The following ALK variants were observed in gnomAD, a reference collection of about 807,000 sequenced individuals.
ALK encodes the protein ALK receptor tyrosine kinase.
ALK carries 74 observed loss-of-function variants against 163.1 expected under a neutral mutation model. The ratio of observed to expected loss-of-function variants is 0.45; its 90% CI spans 0.38 to 0.55. ALK has a LOEUF of 0.55. Among genes scored for constraint, ALK ranks in the 20% least tolerant of loss-of-function variants. The pLI, the probability that ALK is intolerant of heterozygous loss-of-function variation, is 0.00. For synonymous variants in ALK, 960 were observed against 843.2 expected (o/e 1.14, Z -2.40); for missense variants, 2,063 against 2,105.3 (o/e 0.98, Z 0.39).
chr2:29,514,052 A>G (rs13001047), intron 4 of ALK, among the ~76,000 whole-genome samples: 8,453 of 77,388 alleles, frequency 0.11, 1,668 homozygotes, highest in Non-Finnish European at 0.13. Flanking sequence ...ACTGTTGGTG[A>G]GACTGTAAAC....
At chr2:29,512,374 T>A (rs1052335518) in intron 4 of ALK, among the ~76,000 whole-genome samples, 6 of 148,308 alleles carry the variant, frequency 4.0e-5, no homozygotes, top group African/African-American at 1.5e-4. Context: ...ATCCAGCATA[T>A]AAACAGAGCC....
intron 4 of ALK, among the ~76,000 whole-genome samples, chr2:29,486,511 T>C (rs968221153): frequency 6.6e-6 from 1 of 152,214 alleles, no homozygotes; most frequent in African/African-American, 2.4e-5. Context: ...AACTTCAGTG[T>C]TGCACATAAA....
At chr2:29,394,679 T>G (rs1036510568) in intron 4 of ALK, among the ~76,000 whole-genome samples, 8 of 152,198 alleles carry the variant, frequency 5.3e-5, no homozygotes, top group African/African-American at 1.9e-4. Context: ...AGATTTTCTG[T>G]GATTAGAGTC....
At chr2:29,683,805 G>A (rs894210899) in intron 3 of ALK, among the ~76,000 whole-genome samples, 1 of 152,178 alleles carries the variant, frequency 6.6e-6, no homozygotes, top group Non-Finnish European at 1.5e-5. Context: ...AGCACCACTT[G>A]CTTCAGGCTG....
chr2:29,555,156 C>T (rs777775724), intron 3 of ALK, among the ~76,000 whole-genome samples: 7 of 152,130 alleles, frequency 4.6e-5, no homozygotes, highest in Non-Finnish European at 1.0e-4. Context: ...CTGAATTCTT[C>T]TTGTATGAGA....
intron 3 of ALK, among the ~76,000 whole-genome samples, chr2:29,591,657 A>T (rs1304118762): frequency 6.6e-6 from 1 of 152,210 alleles, no homozygotes; most frequent in Admixed American, 6.5e-5. Flanking sequence ...GAGAAGAGGG[A>T]GGCAAGGAGT....
chr2:29,710,143 GCT>G (rs1679033977), intron 2 of ALK, among the ~76,000 whole-genome samples: 1 of 152,258 alleles, frequency 6.6e-6, no homozygotes, highest in East Asian at 1.9e-4. Context: ...CCCTGCACAT[GCT>G]CTCTTTGCCT....
chr2:29,643,451 A>G (rs1676762066), intron 3 of ALK, among the ~76,000 whole-genome samples: 2 of 152,204 alleles, frequency 1.3e-5, no homozygotes, highest in African/African-American at 2.4e-5. Context: ...TTCTAAAGCA[A>G]TAGGAGCAAC....
At chr2:29,583,787 G>T (rs1573475975) in intron 3 of ALK, among the ~76,000 whole-genome samples, 2 of 152,130 alleles carry the variant, frequency 1.3e-5, no homozygotes, top group East Asian at 3.9e-4. Flanking sequence ...GTAAGTAGCC[G>T]GCATATGCCT....
chr2:29,864,821 A>G (rs978305510), intron 1 of ALK, among the ~76,000 whole-genome samples: 2 of 152,222 alleles, frequency 1.3e-5, no homozygotes, highest in African/African-American at 4.8e-5. Context: ...GCAAAGACAC[A>G]TCCCATGTTT....
intron 5 of ALK, among the ~76,000 whole-genome samples, chr2:29,382,923 T>C (rs1668938932): frequency 6.6e-6 from 1 of 152,204 alleles, no homozygotes; most frequent in South Asian, 2.1e-4. Context: ...CAAAAGAAGC[T>C]GGGTTGGTGA....
chr2:29,621,805 A>G (rs1486232637), intron 3 of ALK, among the ~76,000 whole-genome samples: 1 of 152,180 alleles, frequency 6.6e-6, no homozygotes, highest in Non-Finnish European at 1.5e-5. Flanking sequence ...CCTCTTAACC[A>G]ATCGCCAGCA....
intron 4 of ALK, among the ~76,000 whole-genome samples, chr2:29,416,936 T>TAA (rs58905654): frequency 7.0e-6 from 1 of 142,610 alleles, no homozygotes; most frequent in African/African-American, 2.6e-5. Context: ...ATTTGCTCAT[T>TAA]AAAAAAAAAA....
chr2:29,887,356 C>T (rs1572470646), intron 1 of ALK, among the ~76,000 whole-genome samples: 1 of 152,178 alleles, frequency 6.6e-6, no homozygotes, highest in East Asian at 1.9e-4. Context: ...TCATGGGTAT[C>T]TCAGAGCACT....
At chr2:29,221,720 C>T (rs938600709) in intron 22 of ALK, among the ~76,000 whole-genome samples, 15 of 152,212 alleles carry the variant, frequency 9.9e-5, no homozygotes, top group African/African-American at 3.1e-4. Flanking sequence ...TCCCAGTCTG[C>T]CCCCACCTGT....
intron 8 of ALK, among the ~76,000 whole-genome samples, chr2:29,310,413 TC>T (rs1239877891): frequency 2.0e-5 from 3 of 152,156 alleles, no homozygotes; most frequent in African/African-American, 7.2e-5. Context: ...ATACTAAGGG[TC>T]CCTTCCTCCA....
At chr2:29,325,042 C>T (rs912618496) in intron 6 of ALK, among the ~76,000 whole-genome samples, 24 of 152,252 alleles carry the variant, frequency 1.6e-4, no homozygotes, top group Non-Finnish European at 2.6e-4. Context: ...CCAGCATGTG[C>T]GGAGGACTCC....
intron 1 of ALK, chr2:29,907,274 A>C (rs937512916): frequency 6.6e-6 from 1 of 151,908 alleles, no homozygotes; most frequent in African/African-American, 2.4e-5. Flanking sequence ...TTCCCTCCTG[A>C]TTTTCAACAT....
chr2:29,337,099 A>C (rs75225690), intron 5 of ALK, among the ~76,000 whole-genome samples: 3,244 of 152,298 alleles, frequency 0.021, 55 homozygotes, highest in Non-Finnish European at 0.033. Context: ...AGTCGAGTGC[A>C]CAGACTAACA....
Sources: allele counts gnomAD v4.1 joint callset (sites outside exome capture counted in the v4.1 genomes callset), GRCh38; gene constraint gnomAD v4.1.1; transcripts MANE v1.5; gene names NCBI Gene and HGNC (gene_info 2026-07-23, HGNC 2026-07-21).